CPM: variants seen among roughly 807,000 people sequenced by gnomAD.
The protein encoded by CPM is carboxypeptidase M.
In CPM, 35 loss-of-function variants were observed where a neutral mutation model predicts 46.4. The ratio of observed to expected loss-of-function variants is 0.75; its 90% confidence interval spans 0.58 to 1.00. The LOEUF is 1.00. CPM is among the 50% of genes least tolerant of loss of function. CPM has a pLI of 0.00. For synonymous variants in CPM, 195 were observed against 195.3 expected, an observed-to-expected ratio of 1.00 and a Z score of 0.01; for missense variants, 422 against 530.4, an observed-to-expected ratio of 0.80 and a Z score of 2.01.
intron 2 of CPM, among the ~76,000 whole-genome samples, chr12:68,900,227 G>A (rs986427765): frequency 1.3e-5 from 2 of 152,158 alleles, no homozygotes; most frequent in Non-Finnish European, 2.9e-5. Flanking sequence ...GGAAACAGCA[G>A]GCATTTCACC....
intron 1 of CPM, among the ~76,000 whole-genome samples, chr12:68,943,680 C>G (rs1170580610): frequency 6.6e-6 from 1 of 152,098 alleles, no homozygotes; most frequent in African/African-American, 2.4e-5. Flanking sequence ...CTTCTTGGCT[C>G]TAATAAGGCC....
At chr12:68,891,738 T>C (rs917793427) in intron 2 of CPM, among the ~76,000 whole-genome samples, 2 of 151,186 alleles carry the variant, frequency 1.3e-5, no homozygotes, top group African/African-American at 4.9e-5. Flanking sequence ...TTTTTTTGGG[T>C]TTTTTTTTGA....
chr12:68,960,779 C>A (rs1393742369), intron 1 of CPM, among the ~76,000 whole-genome samples: 1 of 152,158 alleles, frequency 6.6e-6, no homozygotes, highest in Non-Finnish European at 1.5e-5. Flanking sequence ...GGTCTCAAGC[C>A]CAGAAAGCTG....
intron 2 of CPM, among the ~76,000 whole-genome samples, chr12:68,894,235 G>A (rs1418538754): frequency 1.3e-5 from 2 of 151,988 alleles, no homozygotes; most frequent in Non-Finnish European, 2.9e-5. Context: ...AACCCACAAG[G>A]GCACTGCCTG....
downstream of CPM, chr12:68,848,428 G>C (rs1196283390): frequency 6.6e-6 from 1 of 152,168 alleles, no homozygotes; most frequent in Admixed American, 6.5e-5. Flanking sequence ...GCCTCCCAAA[G>C]TGCTGGGATT....
chr12:68,907,308 T>C (rs980272978), intron 2 of CPM, among the ~76,000 whole-genome samples: 16 of 152,328 alleles, frequency 1.1e-4, no homozygotes, highest in Non-Finnish European at 2.1e-4. Flanking sequence ...ATTAGGGTGA[T>C]TCTGCGAACC....
intron 2 of CPM, among the ~76,000 whole-genome samples, chr12:68,924,887 T>C (rs74099498): frequency 0.051 from 7,798 of 152,244 alleles, 487 homozygotes; most frequent in African/African-American, 0.14. Flanking sequence ...GAGAGATCTG[T>C]GTATGTGAAC....
At chr12:68,923,810 G>C (rs1268238841) in intron 2 of CPM, among the ~76,000 whole-genome samples, 2 of 152,048 alleles carry the variant, frequency 1.3e-5, no homozygotes, top group Admixed American at 6.6e-5. Context: ...ACTGTTGTCA[G>C]GATTCTCTGA....
At chr12:68,935,056 C>G (rs2136327288), upstream of CPM, among the ~76,000 whole-genome samples, 1 of 152,106 alleles carries the variant, frequency 6.6e-6, no homozygotes, top group Admixed American at 6.5e-5. Context: ...ATTACAGGCA[C>G]CTGCCACCAG....
intron 2 of CPM, among the ~76,000 whole-genome samples, chr12:68,931,130 A>G (rs746240622): frequency 2.0e-5 from 3 of 152,186 alleles, no homozygotes; most frequent in Non-Finnish European, 4.4e-5. Context: ...TCTCTTTGGC[A>G]ATGCTGTTTA....
intron 2 of CPM, among the ~76,000 whole-genome samples, chr12:68,887,848 T>G (rs1886500154): frequency 6.6e-6 from 1 of 152,230 alleles, no homozygotes; most frequent in South Asian, 2.1e-4. Flanking sequence ...CAGGGTTTTA[T>G]AGATGATGCC....
downstream of CPM, chr12:68,848,898 A>C (rs1274965848): frequency 6.6e-6 from 1 of 151,866 alleles, no homozygotes; most frequent in Non-Finnish European, 1.5e-5. Flanking sequence ...TTTTTAATAG[A>C]GGCAGGGTTT....
At chr12:68,845,095 T>C in intron 5 of CPM, 1 of 220,358 alleles carries the variant, frequency 4.5e-6, no homozygotes, top group Non-Finnish European at 9.1e-6. Flanking sequence ...ATAATTAGTG[T>C]GTAGGTCTGT....
chr12:68,861,417 T>G (rs1885206923), intron 7 of CPM, among the ~76,000 whole-genome samples: 1 of 152,160 alleles, frequency 6.6e-6, no homozygotes, highest in Admixed American at 6.5e-5. Flanking sequence ...CTGGATGGTG[T>G]TGTGTCTGTT....
chr12:68,903,586 C>G (rs1165654479), intron 2 of CPM, among the ~76,000 whole-genome samples: 1 of 152,192 alleles, frequency 6.6e-6, no homozygotes, highest in African/African-American at 2.4e-5. Context: ...TGTTAATAAG[C>G]CATTTGAGTT....
chr12:68,917,290 G>A (rs530983550), intron 2 of CPM, among the ~76,000 whole-genome samples: 29 of 152,236 alleles, frequency 1.9e-4, no homozygotes, highest in South Asian at 6.2e-4. Flanking sequence ...TGACATCTGC[G>A]TTTATTGGTT....
intron 2 of CPM, among the ~76,000 whole-genome samples, chr12:68,931,628 C>T (rs1455369873): frequency 6.6e-6 from 1 of 151,172 alleles, no homozygotes; most frequent in Non-Finnish European, 1.5e-5. Context: ...TCCTGTAATC[C>T]CAGCTACTCG....
chr12:68,875,952 C>T (rs1885936064), intron 3 of CPM, among the ~76,000 whole-genome samples: 1 of 151,968 alleles, frequency 6.6e-6, no homozygotes, highest in African/African-American at 2.4e-5. Context: ...ACATATGAGA[C>T]ATTTTATTTT....
At chr12:68,842,672 C>G (rs1883885171) in intron 5 of CPM, 1 of 207,836 alleles carries the variant, frequency 4.8e-6, no homozygotes, top group African/African-American at 2.3e-5. Flanking sequence ...TAATGACATT[C>G]AAAAATTTAT....
Sources: gnomAD v4.1 joint callset for allele counts (sites outside exome capture counted in the v4.1 genomes callset) on GRCh38, gnomAD v4.1.1 for gene constraint, MANE v1.5 for transcripts, NCBI Gene and HGNC (gene_info 2026-07-23, HGNC 2026-07-21) for gene names.